The following CCSER1 variants were observed in gnomAD, a reference collection of about 807,000 sequenced individuals.
CCSER1 encodes the protein coiled-coil serine rich protein 1.
In CCSER1, 41 loss-of-function variants were observed where a neutral mutation model predicts 82.0. The observed-to-expected ratio is 0.50, with a 90% CI of 0.39 to 0.65. The LOEUF (loss-of-function observed/expected upper bound fraction) is 0.65, where lower values mean the gene tolerates loss of function less well. Ranked by LOEUF, CCSER1 falls within the 30% of genes least tolerant of loss-of-function variation. The pLI, the probability that CCSER1 is intolerant of heterozygous loss-of-function variation, is 0.00. For missense variants in CCSER1, 1,119 were observed against 1,064.2 expected, an observed-to-expected ratio of 1.05 and a Z score of -0.72; for synonymous variants, 414 against 383.9, an observed-to-expected ratio of 1.08 and a Z score of -0.92.
chr4:90,753,056 A>G (rs2149490334), intron 7 of CCSER1, among the ~76,000 whole-genome samples: 1 of 152,292 alleles, frequency 6.6e-6, no homozygotes, highest in Admixed American at 6.5e-5. Context: ...TAGTGTATTA[A>G]CATGTGCACT....
At chr4:90,429,957 G>A (rs1758052810) in intron 4 of CCSER1, among the ~76,000 whole-genome samples, 1 of 151,738 alleles carries the variant, frequency 6.6e-6, no homozygotes, top group Admixed American at 6.6e-5. Flanking sequence ...ACTATGTGTT[G>A]AGGAAAGATC....
intron 10 of CCSER1, among the ~76,000 whole-genome samples, chr4:91,122,637 A>C (rs1169864824): frequency 1.3e-5 from 2 of 151,822 alleles, no homozygotes; most frequent in Non-Finnish European, 3.0e-5. Context: ...TATAGATCAT[A>C]TTCCGTTGGA....
At chr4:91,058,321 C>T (rs1174049241) in intron 9 of CCSER1, among the ~76,000 whole-genome samples, 1 of 151,944 alleles carries the variant, frequency 6.6e-6, no homozygotes, top group African/African-American at 2.4e-5. Flanking sequence ...TAAAAAACAA[C>T]AAGATAATGT....
chr4:90,522,541 C>T (rs1016607222), intron 5 of CCSER1, among the ~76,000 whole-genome samples: 3 of 152,102 alleles, frequency 2.0e-5, no homozygotes, highest in Admixed American at 6.6e-5. Context: ...CACTGACCAT[C>T]GCCTCAACTT....
At chr4:90,450,857 C>A (rs1007621609) in intron 4 of CCSER1, among the ~76,000 whole-genome samples, 1 of 152,170 alleles carries the variant, frequency 6.6e-6, no homozygotes, top group East Asian at 1.9e-4. Flanking sequence ...TGCAAATGGG[C>A]CAAATAAGTT....
At chr4:90,194,176 A>G (rs1208316419) in intron 1 of CCSER1, among the ~76,000 whole-genome samples, 1 of 152,074 alleles carries the variant, frequency 6.6e-6, no homozygotes, top group East Asian at 1.9e-4. Context: ...AATAGCCTAG[A>G]TCAGATTTGC....
At chr4:90,489,132 A>T (rs1767571026) in intron 5 of CCSER1, among the ~76,000 whole-genome samples, 1 of 152,198 alleles carries the variant, frequency 6.6e-6, no homozygotes, top group Admixed American at 6.6e-5. Flanking sequence ...CTGATAACAA[A>T]AGCCATTTTT....
At chr4:90,330,879 G>A (rs554072215) in intron 3 of CCSER1, among the ~76,000 whole-genome samples, 37 of 152,200 alleles carry the variant, frequency 2.4e-4, no homozygotes, top group African/African-American at 8.2e-4. Context: ...GTGCAGTGGG[G>A]TTGAACATAA....
intron 8 of CCSER1, among the ~76,000 whole-genome samples, chr4:90,916,603 G>C (rs1172783466): frequency 6.6e-6 from 1 of 152,100 alleles, no homozygotes; most frequent in African/African-American, 2.4e-5. Flanking sequence ...CATAGGCATG[G>C]GCAAGGACTT....
intron 10 of CCSER1, among the ~76,000 whole-genome samples, chr4:91,122,741 C>T (rs968972684): frequency 1.3e-4 from 20 of 151,612 alleles, no homozygotes; most frequent in African/African-American, 4.8e-4. Context: ...CTAATGCCTG[C>T]CCTTGACTTA....
At chr4:90,151,470 A>T (rs2153351315) in intron 1 of CCSER1, among the ~76,000 whole-genome samples, 1 of 152,216 alleles carries the variant, frequency 6.6e-6, no homozygotes, top group East Asian at 1.9e-4. Context: ...TAACTTTTAG[A>T]TCAATCATTT....
chr4:91,219,484 G>A (rs1581791933), intron 10 of CCSER1, among the ~76,000 whole-genome samples: 1 of 152,044 alleles, frequency 6.6e-6, no homozygotes, highest in East Asian at 1.9e-4. Context: ...GGCTATTTTT[G>A]TAGAGATGGG....
In CCSER1 at chr4:91,187,687, T is replaced by G. The variant is rs1734674897; in HGVS notation, c.2217+101693T>G. 2.0e-5 allele frequency among the ~76,000 whole-genome samples: 3 copies of G among 152,054 alleles called. No homozygotes were observed. The South Asian group carries it at 6.2e-4, about 32-fold the overall frequency. ...CTTCCTCAGCCTCATGAGAAGCTGGTGTTACAAGCGTGCTGCTACCATGAC... is the reference window on the plus strand; with the variant it reads ...CTTCCTCAGCCTCATGAGAAGCTGGGGTTACAAGCGTGCTGCTACCATGAC... On this transcript the variant is annotated intron_variant, in intron 10 of 10. Transcript: ENST00000509176.
intron 5 of CCSER1, among the ~76,000 whole-genome samples, chr4:90,522,641 T>G (rs1773277210): frequency 6.6e-6 from 1 of 152,164 alleles, no homozygotes; most frequent in African/African-American, 2.4e-5. Context: ...TCACTTCTGT[T>G]AAGAATTCTT....
At chr4:91,225,882 A>G (rs143109988) in intron 10 of CCSER1, among the ~76,000 whole-genome samples, 246 of 152,098 alleles carry the variant, frequency 1.6e-3, no homozygotes, top group African/African-American at 5.8e-3. Flanking sequence ...GAATCTGAGT[A>G]ACTAAACCTG....
chr4:90,610,373 T>C (rs952051155), intron 5 of CCSER1, among the ~76,000 whole-genome samples: 1 of 152,182 alleles, frequency 6.6e-6, no homozygotes, highest in African/African-American at 2.4e-5. Flanking sequence ...AAAATTTTAC[T>C]GCCCTTCTCG....
At chr4:90,492,063 T>A (rs530839684) in intron 5 of CCSER1, among the ~76,000 whole-genome samples, 1 of 152,292 alleles carries the variant, frequency 6.6e-6, no homozygotes, top group Non-Finnish European at 1.5e-5. Flanking sequence ...CCTCTTTTTC[T>A]AGTGATTGGA....
At chr4:91,508,390 T>C (rs1173329925) in intron 10 of CCSER1, among the ~76,000 whole-genome samples, 1 of 151,866 alleles carries the variant, frequency 6.6e-6, no homozygotes, top group African/African-American at 2.4e-5. Context: ...CATCCATTAA[T>C]ATGGTATTAC....
At chr4:91,451,939 A>G (rs1233761848) in intron 10 of CCSER1, among the ~76,000 whole-genome samples, 1 of 152,022 alleles carries the variant, frequency 6.6e-6, no homozygotes, top group East Asian at 1.9e-4. Flanking sequence ...TGATCCAAAA[A>G]GGTACTCTGG....
Sources: allele counts gnomAD v4.1 joint callset (sites outside exome capture counted in the v4.1 genomes callset), GRCh38; gene constraint gnomAD v4.1.1; transcripts MANE v1.5; gene names NCBI Gene and HGNC (gene_info 2026-07-23, HGNC 2026-07-21).